The following TCAF1 variants were observed in gnomAD, a reference collection of about 807,000 sequenced individuals.
The protein encoded by TCAF1 is TRPM8 channel-associated factor 1.
A neutral mutation model predicts 27.3 loss-of-function variants in TCAF1; 4 were observed. That is an observed-to-expected ratio of 0.15 (90% CI 0.07 to 0.34). The LOEUF (loss-of-function observed/expected upper bound fraction) is 0.34, where lower values mean the gene tolerates loss of function less well. TCAF1 is among the 10% of genes least tolerant of loss of function. TCAF1 has a pLI of 1.00. For synonymous variants in TCAF1, 105 were observed against 167.1 expected (o/e 0.63, Z 2.87); for missense variants, 257 against 425.8 (o/e 0.60, Z 3.49).
intron 1 of TCAF1, among the ~76,000 whole-genome samples, chr7:143,894,770 T>C (rs1323311400): frequency 6.6e-6 from 1 of 151,412 alleles, no homozygotes; most frequent in African/African-American, 2.4e-5. Flanking sequence ...TAATTACCAA[T>C]GGGAAAAAGC....
intron 1 of TCAF1, among the ~76,000 whole-genome samples, chr7:143,891,818 C>A (rs1455615481): frequency 2.6e-5 from 4 of 152,268 alleles, no homozygotes; most frequent in Non-Finnish European, 5.9e-5. Flanking sequence ...CATTGAGACA[C>A]ATCACATTCA....
At position 143,894,986 on chromosome 7, in the gene TCAF1, ATAAT is replaced by A. The variant is rs1488351763; in HGVS notation, c.-15+6971_-15+6974del. On this transcript the variant is annotated intron_variant, in intron 1 of 8. Transcript: ENST00000479870. ...ATAAGCATACAAAAAGATGCTTAAT[ATAAT>A]TAGTCATCAAAGTAATACAAATTAA... Among the ~76,000 whole-genome samples the A allele has an allele frequency of 5.9e-5, 9 of 151,864 alleles. No homozygotes were observed. The East Asian group carries it at 7.7e-4, about 13-fold the overall frequency.
At chr7:143,868,922 A>C (rs3908293) in intron 2 of TCAF1, among the ~76,000 whole-genome samples, 18,493 of 53,902 alleles carry the variant, frequency 0.34, 872 homozygotes, top group Middle Eastern at 0.45. Context: ...ATTTTATCAT[A>C]ATTTGGTATG....
At position 143,881,030 on chromosome 7, in the gene TCAF1, C is replaced by A. The variant is rs539945052; in HGVS notation, c.-14-4408G>T. On this transcript the variant is annotated intron_variant, in intron 1 of 8. Transcript: ENST00000479870. Reference sequence around the variant, plus strand: ...ACTCCAAAGCAGAAAGTATTGAAGGCACAACCTGTAACTCAGGGAGAGAGC... The same window carrying A: ...ACTCCAAAGCAGAAAGTATTGAAGGAACAACCTGTAACTCAGGGAGAGAGC... Among the ~76,000 whole-genome samples the A allele has an allele frequency of 5.9e-5, 9 of 152,298 alleles. No individual in the cohort carries two copies. In the South Asian group the frequency reaches 1.9e-3, roughly 32 times the overall value.
intron 1 of TCAF1, among the ~76,000 whole-genome samples, chr7:143,899,032 T>TC (rs1409528035): frequency 6.6e-6 from 1 of 152,182 alleles, no homozygotes; most frequent in Non-Finnish European, 1.5e-5. Flanking sequence ...ATCTTGGACT[T>TC]CCCAGCCTCC....
intron 1 of TCAF1, among the ~76,000 whole-genome samples, chr7:143,879,788 CCATTGTACCCAGCATAAGACCCTGTAG>C (rs983240614): frequency 2.6e-5 from 4 of 152,142 alleles, no homozygotes; most frequent in African/African-American, 7.2e-5. Context: ...CCCAGATACC[CCATTGTACCCAGCATAAGACCCTGTAG>C]CACTGTCCCC....
chr7:143,880,858 T>C (rs1812976159), intron 1 of TCAF1, among the ~76,000 whole-genome samples: 1 of 152,220 alleles, frequency 6.6e-6, no homozygotes, highest in South Asian at 2.1e-4. Flanking sequence ...CCCGAATCCA[T>C]GTTTGTCCTC....
chr7:143,853,058 ATCT>A lies in TCAF1; in HGVS notation c.*1072_*1074del, dbSNP rs1237517565. 6.8e-6 allele frequency: 1 copy of A among 147,016 alleles called. No homozygotes were observed. The highest frequency in any genetic ancestry group is 2.5e-5 in the African/African-American group (1 of 39,824). The allele number at this position is 147,016 out of a possible 1,614,324, so 9.1% of individuals were successfully genotyped here. On this transcript the variant is annotated 3_prime_UTR_variant, in exon 9 of 9. Coordinates refer to ENST00000479870, the MANE Select transcript of TCAF1 (RefSeq NM_014719.3). ...GCAGTCTTATTTTATTTTCAAAGAG[ATCT>A]TCTTATTCTCAGTCTTCTCTTTCTT...
At chr7:143,883,672 A>C (rs1813227756) in intron 1 of TCAF1, among the ~76,000 whole-genome samples, 1 of 151,700 alleles carries the variant, frequency 6.6e-6, no homozygotes, top group South Asian at 2.1e-4. Context: ...CGCCTGGCTA[A>C]TTTTTTTATT....
intron 1 of TCAF1, among the ~76,000 whole-genome samples, chr7:143,886,867 T>G (rs930420112): frequency 2.1e-5 from 1 of 47,990 alleles, no homozygotes; most frequent in Admixed American, 1.7e-4. Flanking sequence ...AGTTTTTGTA[T>G]TTTTTTTTTT....
intron 1 of TCAF1, among the ~76,000 whole-genome samples, chr7:143,884,394 T>A (rs1239710956): frequency 6.6e-6 from 1 of 152,120 alleles, no homozygotes; most frequent in Non-Finnish European, 1.5e-5. Context: ...CAAGAGAACC[T>A]GAATTCAAGA....
intron 1 of TCAF1, among the ~76,000 whole-genome samples, chr7:143,896,613 T>C (rs1329127333): frequency 3.3e-5 from 5 of 152,050 alleles, no homozygotes; most frequent in Non-Finnish European, 7.4e-5. Context: ...CTGACTACAA[T>C]ATAAATTAGG....
intron 1 of TCAF1, among the ~76,000 whole-genome samples, chr7:143,892,380 C>A: frequency 6.6e-6 from 1 of 151,088 alleles, no homozygotes; most frequent in African/African-American, 2.4e-5. Context: ...CTAAAGTAAC[C>A]ATTAAAATAA....
intron 1 of TCAF1, chr7:143,885,054 G>A (rs1264141770): frequency 6.1e-6 from 6 of 985,150 alleles, no homozygotes; most frequent in Non-Finnish European, 7.2e-6. Context: ...TGGCAGCCCC[G>A]CGTGCGCCCC....
intron 1 of TCAF1, among the ~76,000 whole-genome samples, chr7:143,897,176 A>AC (rs1213750764): frequency 8.2e-6 from 1 of 122,012 alleles, no homozygotes; most frequent in African/African-American, 3.0e-5. Context: ...ATATATATAT[A>AC]TTCATATATA....
At chr7:143,875,341 G>A (rs1243320910) in intron 2 of TCAF1, among the ~76,000 whole-genome samples, 1 of 152,114 alleles carries the variant, frequency 6.6e-6, no homozygotes, top group African/African-American at 2.4e-5. Context: ...TATCTGTTAG[G>A]CACTATATGT....
chr7:143,884,916 A>G (rs867104052), intron 1 of TCAF1: 8 of 804,816 alleles, frequency 9.9e-6, no homozygotes, highest in African/African-American at 1.9e-5. Context: ...TGAAAGAAAT[A>G]AGAGACTGGT....
intron 1 of TCAF1, among the ~76,000 whole-genome samples, chr7:143,877,083 A>T (rs143434206): frequency 8.5e-5 from 13 of 152,266 alleles, no homozygotes; most frequent in Admixed American, 2.0e-4. Flanking sequence ...GGGGGCAGAG[A>T]TTGGAGCGAT....
Position 143,876,597 on chromosome 7 carries a change from G to A in TCAF1, c.12C>T (p.Pro4=). ...TCATAAGGGCCTCGAAGGCAGCAGAGGGAGTCGCCATGGCTCTATTGGTTT... is the reference window on the plus strand; with the variant it reads ...TCATAAGGGCCTCGAAGGCAGCAGAAGGAGTCGCCATGGCTCTATTGGTTT... MAT[P]SAAFEALMNG... The change falls in exon 2 of 9, where the codon CCC becomes CCT. Residue 4 remains proline (P), a synonymous_variant. Coordinates refer to ENST00000479870, the MANE Select transcript of TCAF1 (RefSeq NM_014719.3). The A allele has an allele frequency of 1.3e-6, 2 of 1,510,548 alleles. No homozygotes were observed. The highest frequency in any genetic ancestry group is 1.8e-6 in the Non-Finnish European group (2 of 1,132,530). The allele number at this position is 1,510,548 out of a possible 1,614,324, so 93.6% of individuals were successfully genotyped here.
Sources: gnomAD v4.1 joint callset for allele counts (sites outside exome capture counted in the v4.1 genomes callset) on GRCh38, gnomAD v4.1.1 for gene constraint, MANE v1.5 for transcripts, NCBI Gene and HGNC (gene_info 2026-07-23, HGNC 2026-07-21) for gene names.